Variants in SLC26A7 observed in about 807,000 individuals in gnomAD.
SLC26A7 encodes anion exchange transporter.
SLC26A7 carries 59 observed loss-of-function variants against 82.5 expected under a neutral mutation model. The ratio of observed to expected loss-of-function variants is 0.72; its 90% CI spans 0.58 to 0.89. SLC26A7 has a LOEUF of 0.89. SLC26A7 is among the 40% of genes least tolerant of loss of function. The probability of loss-of-function intolerance (pLI) is 0.00; values close to 1 mark genes in which losing one functional copy is unlikely to be tolerated. For missense variants in SLC26A7, 820 were observed against 793.0 expected, an observed-to-expected ratio of 1.03 and a Z score of -0.41; for synonymous variants, 271 against 274.3, an observed-to-expected ratio of 0.99 and a Z score of 0.12.
At chr8:91,303,312 A>G (rs1812218422) in intron 4 of SLC26A7, among the ~76,000 whole-genome samples, 1 of 152,036 alleles carries the variant, frequency 6.6e-6, no homozygotes, top group Non-Finnish European at 1.5e-5. Flanking sequence ...CAATTTGCAT[A>G]TTTGTTTTTC....
At chr8:91,353,124 A>T in intron 11 of SLC26A7, 128 bp downstream of exon 11, 1 of 498,826 alleles carries the variant, frequency 2.0e-6, no homozygotes, top group Non-Finnish European at 3.3e-6. Context: ...ACAAACTACC[A>T]TTTTTTTTCC....
intron 4 of SLC26A7, among the ~76,000 whole-genome samples, chr8:91,306,665 T>A (rs55843549): frequency 6.6e-6 from 1 of 151,888 alleles, no homozygotes; most frequent in South Asian, 2.1e-4. Flanking sequence ...TGAACCAGAT[T>A]GATATTTTGT....
intron 2 of SLC26A7, among the ~76,000 whole-genome samples, chr8:91,274,482 GAGAA>G (rs1295540199): frequency 6.6e-6 from 1 of 152,210 alleles, no homozygotes; most frequent in Non-Finnish European, 1.5e-5. Flanking sequence ...GCAAGAGAAT[GAGAA>G]AGAGAGAGAG....
chr8:91,281,171 G>A (rs1048025851), intron 2 of SLC26A7, among the ~76,000 whole-genome samples: 2 of 152,142 alleles, frequency 1.3e-5, no homozygotes, highest in African/African-American at 4.8e-5. Flanking sequence ...TGTACAAAGT[G>A]ATAAAGATTC....
At chr8:91,389,494 GT>G (rs1436581320) in intron 16 of SLC26A7, 56 bp downstream of exon 16, 1 of 1,208,760 alleles carries the variant, frequency 8.3e-7, no homozygotes, top group Admixed American at 1.7e-5. Context: ...AGTAACAGGG[GT>G]TTTCACCACC....
rs139949665 is a variant in SLC26A7, at chr8:91,330,326, A to G, written c.643-3969A>G. ...GCTCAACCTGATGCACTGCCTTTAT[A>G]CCAGGTGCATTTGATCCTTGGGCCA... On this transcript the variant is annotated intron_variant, in intron 5 of 18. Transcript: ENST00000276609. Among the ~76,000 whole-genome samples, 491 of 152,250 alleles carry G rather than the reference A, an allele frequency of 3.2e-3. 4 individuals carry two copies. The highest frequency in any genetic ancestry group is 0.01 in the African/African-American group (420 of 41,574).
At position 91,334,406 on chromosome 8, in the gene SLC26A7, A is replaced by G; in HGVS notation, c.754A>G (p.Lys252Glu). 2 of 1,613,172 alleles carry G rather than the reference A, an allele frequency of 1.2e-6. No homozygotes were observed. The highest frequency in any genetic ancestry group is 1.7e-6 in the Non-Finnish European group (2 of 1,179,504). Residue 252 changes from lysine to glutamate, a missense_variant, in exon 6 of 19, where the codon AAA becomes GAA. Transcript: ENST00000276609. ...TGTTAAAGAGCTGAATGAACAGTTT[A>G]AAAGGAAAATTAAAGTTGTTCTTCC... ...VLVKELNEQF[K>E]RKIKVVLPVD... is the part of the protein sequence containing the mutation.
At chr8:91,258,796 C>G (rs1028908761) in intron 2 of SLC26A7, among the ~76,000 whole-genome samples, 2 of 152,076 alleles carry the variant, frequency 1.3e-5, no homozygotes, top group Admixed American at 6.6e-5. Context: ...GTGCTTCTAC[C>G]TTAAGAGCCA....
intron 2 of SLC26A7, among the ~76,000 whole-genome samples, chr8:91,279,109 GTA>G (rs1309847144): frequency 6.9e-5 from 8 of 116,596 alleles, no homozygotes; most frequent in Non-Finnish European, 1.3e-4. Flanking sequence ...GTATTTCATA[GTA>G]TGTGTGTGTG....
At chr8:91,275,987 C>A (rs1429504027) in intron 2 of SLC26A7, among the ~76,000 whole-genome samples, 1 of 152,148 alleles carries the variant, frequency 6.6e-6, no homozygotes, top group African/African-American at 2.4e-5. Flanking sequence ...CTAATCCTCT[C>A]TGAAAATAAC....
At chr8:91,389,977 A>G (rs1458056153) in intron 16 of SLC26A7, among the ~76,000 whole-genome samples, 1 of 152,134 alleles carries the variant, frequency 6.6e-6, no homozygotes, top group Non-Finnish European at 1.5e-5. Context: ...GGTATGCAAA[A>G]AATAACACTC....
intron 2 of SLC26A7, among the ~76,000 whole-genome samples, chr8:91,276,005 T>A (rs10088223): frequency 0.11 from 16,782 of 152,218 alleles, 1,098 homozygotes; most frequent in Middle Eastern, 0.21. Context: ...AACTGGATTA[T>A]CTTTAAGTAG....
chr8:91,372,509 T>G (rs1814392799), intron 15 of SLC26A7, among the ~76,000 whole-genome samples: 1 of 152,020 alleles, frequency 6.6e-6, no homozygotes, highest in Non-Finnish European at 1.5e-5. Flanking sequence ...ATTTTTAATA[T>G]TTGTTAATAT....
intron 15 of SLC26A7, among the ~76,000 whole-genome samples, chr8:91,380,742 G>A (rs1471691595): frequency 6.6e-6 from 1 of 152,128 alleles, no homozygotes; most frequent in African/African-American, 2.4e-5. Flanking sequence ...GTCTTATAAA[G>A]TTGAAGATAC....
chr8:91,338,236 A>C lies in SLC26A7; in HGVS notation c.878+4A>C. ...TAGTTGGTCATATTCCACAAGGGTA[A>C]TGTAGTCCTTTTTAAAAACATATTA... On this transcript the variant is annotated splice_donor_region_variant and intron_variant, in intron 7 of 18. Coordinates refer to ENST00000276609, the MANE Select transcript of SLC26A7 (RefSeq NM_052832.4). 2 of 1,587,882 alleles carry C rather than the reference A, an allele frequency of 1.3e-6. No homozygotes were observed. The highest frequency in any genetic ancestry group is 1.7e-6 in the Non-Finnish European group (2 of 1,167,964).
At chr8:91,263,095 G>T (rs1224019247) in intron 2 of SLC26A7, among the ~76,000 whole-genome samples, 1 of 151,970 alleles carries the variant, frequency 6.6e-6, no homozygotes, top group East Asian at 1.9e-4. Flanking sequence ...GTAATTTTAG[G>T]ACTACAATTT....
chr8:91,243,305 A>G (rs917752712), intron 2 of SLC26A7, among the ~76,000 whole-genome samples: 6 of 152,202 alleles, frequency 3.9e-5, no homozygotes, highest in African/African-American at 1.4e-4. Flanking sequence ...AACCTGATAC[A>G]ATATATAAAA....
intron 2 of SLC26A7, among the ~76,000 whole-genome samples, chr8:91,284,215 A>G (rs186340758): frequency 2.4e-3 from 372 of 152,280 alleles, no homozygotes; most frequent in African/African-American, 8.3e-3. Context: ...ATTGGTCACA[A>G]ATAAGGTGGG....
rs4324887 is a variant in SLC26A7, at chr8:91,216,143, G to A, written c.-149-2747G>A. ...AGAATAATCACCTTCAAAGTTTCAT[G>A]TTCACTATAAAACTAACAACGGGCA... On this transcript the variant is annotated intron_variant, in intron 1 of 5. Coordinates refer to the SLC26A7 transcript ENST00000522862. 0.014 allele frequency among the ~76,000 whole-genome samples: 2,199 copies of A among 152,212 alleles called. 126 individuals are homozygous for A. In the East Asian group the frequency reaches 0.21, roughly 15 times the overall value.
Sources: allele counts gnomAD v4.1 joint callset (sites outside exome capture counted in the v4.1 genomes callset), GRCh38; gene constraint gnomAD v4.1.1; transcripts MANE v1.5; gene names NCBI Gene and HGNC (gene_info 2026-07-23, HGNC 2026-07-21).